SH3BGRL2: variants seen among roughly 807,000 people sequenced by gnomAD.
The protein encoded by SH3BGRL2 is SH3 domain binding glutamate rich protein like 2.
Under a neutral mutation model 14.8 loss-of-function variants are expected in SH3BGRL2, and 21 were observed. The ratio of observed to expected loss-of-function variants is 1.42; its 90% CI spans 1.01 to 2.05. The LOEUF is 2.05. Ranked by LOEUF, SH3BGRL2 falls within the 30% of genes most tolerant of loss-of-function variation. SH3BGRL2 has a pLI of 0.00. For missense variants in SH3BGRL2, 147 were observed against 130.8 expected (o/e 1.12, Z -0.61); for synonymous variants, 50 against 47.8 (o/e 1.05, Z -0.19).
intron 1 of SH3BGRL2, among the ~76,000 whole-genome samples, chr6:79,640,608 T>A (rs1204311868): frequency 5.9e-5 from 9 of 152,082 alleles, no homozygotes; most frequent in African/African-American, 2.2e-4. Flanking sequence ...GGTTGAGTAT[T>A]TGGCAGAACT....
At chr6:79,578,014 A>G in the SH3BGRL2 span, among the ~76,000 whole-genome samples, 8 of 152,214 alleles carry the variant, frequency 5.3e-5, no homozygotes, top group Non-Finnish European at 1.2e-4. Flanking sequence ...AGCCTTGCAC[A>G]CTGCTAGCGC....
Position 79,699,704 on chromosome 6 carries a change from G to A in SH3BGRL2, c.*195G>A. ...ATTGCTTTAAACCAAATCAGGTGGT[G>A]GATTTTTTTTTTCTTATTCTATTTG... is the stretch of plus-strand genomic sequence containing the variant. On this transcript the variant is annotated 3_prime_UTR_variant, in exon 4 of 4. Coordinates refer to ENST00000369838, the MANE Select transcript of SH3BGRL2 (RefSeq NM_031469.4). 1.4e-6 allele frequency: 1 copy of A among 722,092 alleles called. No homozygotes were observed. Among genetic ancestry groups the A allele is most frequent in the Non-Finnish European group, 2.0e-6 (1 of 496,524 alleles). 44.7% of individuals were successfully genotyped at this position (722,092 alleles called of 1,614,324 possible).
the SH3BGRL2 span, among the ~76,000 whole-genome samples, chr6:79,587,236 G>A: frequency 6.6e-6 from 1 of 152,068 alleles, no homozygotes. Flanking sequence ...AGAATTTTTA[G>A]TATAAAAGGA....
chr6:79,649,552 A>C (rs776621138), intron 1 of SH3BGRL2, among the ~76,000 whole-genome samples: 2 of 151,778 alleles, frequency 1.3e-5, no homozygotes, highest in African/African-American at 4.8e-5. Context: ...TTTGCCTTTC[A>C]TCATCTCTTC....
the SH3BGRL2 span, among the ~76,000 whole-genome samples, chr6:79,550,560 C>T: frequency 0.075 from 11,349 of 152,116 alleles, 616 homozygotes; most frequent in Non-Finnish European, 0.11. Context: ...TGGTTTTGAC[C>T]TCACCAATCA....
At chr6:79,581,262 A>G in the SH3BGRL2 span, among the ~76,000 whole-genome samples, 1 of 152,196 alleles carries the variant, frequency 6.6e-6, no homozygotes, top group Non-Finnish European at 1.5e-5. Flanking sequence ...CAACAGAAAA[A>G]GAAGGAACCC....
At chr6:79,548,948 A>G in the SH3BGRL2 span, among the ~76,000 whole-genome samples, 2 of 152,166 alleles carry the variant, frequency 1.3e-5, no homozygotes, top group Non-Finnish European at 1.5e-5. Flanking sequence ...TCTTATTAAG[A>G]TATAAATTAA....
At chr6:79,631,756 G>A (rs1768830735) in intron 1 of SH3BGRL2, among the ~76,000 whole-genome samples, 1 of 152,220 alleles carries the variant, frequency 6.6e-6, no homozygotes, top group South Asian at 2.1e-4. Flanking sequence ...CCTGAAAATG[G>A]AGTCCGAGGG....
upstream of SH3BGRL2, among the ~76,000 whole-genome samples, chr6:79,630,119 A>G (rs1768795374): frequency 6.6e-6 from 1 of 152,238 alleles, no homozygotes. Context: ...ATAAAGTCCC[A>G]TTAGGAGTGT....
chr6:79,606,946 AC>A, the SH3BGRL2 span, among the ~76,000 whole-genome samples: 1 of 152,180 alleles, frequency 6.6e-6, no homozygotes, highest in Non-Finnish European at 1.5e-5. Flanking sequence ...AGGAAAACAT[AC>A]TTTGCTTCTT....
intron 1 of SH3BGRL2, among the ~76,000 whole-genome samples, chr6:79,672,152 C>T (rs1280842066): frequency 6.6e-6 from 1 of 152,126 alleles, no homozygotes; most frequent in East Asian, 1.9e-4. Context: ...TGTACTGCCA[C>T]CCTCCAAGCT....
At chr6:79,627,608 T>C (rs1370065297), upstream of SH3BGRL2, among the ~76,000 whole-genome samples, 1 of 152,198 alleles carries the variant, frequency 6.6e-6, no homozygotes, top group African/African-American at 2.4e-5. Flanking sequence ...TTAGATAGTC[T>C]CTACATTTTG....
chr6:79,615,087 G>C, the SH3BGRL2 span, among the ~76,000 whole-genome samples: 3 of 152,150 alleles, frequency 2.0e-5, no homozygotes, highest in African/African-American at 7.2e-5. Context: ...AGGACTCACT[G>C]TCAACATCCT....
the SH3BGRL2 span, among the ~76,000 whole-genome samples, chr6:79,565,326 A>G: frequency 6.6e-6 from 1 of 152,180 alleles, no homozygotes; most frequent in Admixed American, 6.5e-5. Context: ...AGGATATAAA[A>G]TGGTACTGCA....
At chr6:79,540,081 GTATC>G in the SH3BGRL2 span, among the ~76,000 whole-genome samples, 2 of 152,168 alleles carry the variant, frequency 1.3e-5, no homozygotes, top group Non-Finnish European at 2.9e-5. Flanking sequence ...ATTTGAAACA[GTATC>G]TAATATGCTG....
At chr6:79,677,807 G>A (rs563094367) in intron 2 of SH3BGRL2, among the ~76,000 whole-genome samples, 2 of 152,278 alleles carry the variant, frequency 1.3e-5, no homozygotes, top group African/African-American at 4.8e-5. Flanking sequence ...CCCTGGAGTG[G>A]AATCAATCCT....
At chr6:79,619,725 G>T in the SH3BGRL2 span, among the ~76,000 whole-genome samples, 1 of 152,154 alleles carries the variant, frequency 6.6e-6, no homozygotes, top group Non-Finnish European at 1.5e-5. Context: ...AGTTTAGGTG[G>T]GAAGATGGAG....
chr6:79,631,327 C>T (rs1401384285), upstream of SH3BGRL2: 3 of 746,778 alleles, frequency 4.0e-6, no homozygotes, highest in East Asian at 3.4e-5. Flanking sequence ...CGGGAGGGAG[C>T]CAGATCCCAG....
intron 1 of SH3BGRL2, among the ~76,000 whole-genome samples, chr6:79,641,507 T>C (rs941932272): frequency 9.8e-5 from 15 of 152,334 alleles, no homozygotes; most frequent in African/African-American, 3.4e-4. Context: ...AGGCGGGGGC[T>C]GAGTCCAAAT....
Sources: gnomAD v4.1 joint callset for allele counts (sites outside exome capture counted in the v4.1 genomes callset) on GRCh38, gnomAD v4.1.1 for gene constraint, MANE v1.5 for transcripts, NCBI Gene and HGNC (gene_info 2026-07-23, HGNC 2026-07-21) for gene names.